PDE4D: variants seen among roughly 807,000 people sequenced by gnomAD.
PDE4D encodes the protein phosphodiesterase 4D, also known as 3',5'-cyclic-AMP phosphodiesterase 4D.
In PDE4D, 24 loss-of-function variants were observed where a neutral mutation model predicts 87.4. The observed-to-expected ratio is 0.27, with a 90% CI of 0.20 to 0.39. PDE4D has a LOEUF of 0.39. Among genes scored for constraint, PDE4D ranks in the 10% least tolerant of loss-of-function variants. The pLI, the probability that PDE4D is intolerant of heterozygous loss-of-function variation, is 1.00. For synonymous variants in PDE4D, 384 were observed against 383.2 expected, an observed-to-expected ratio of 1.00 and a Z score of -0.02; for missense variants, 714 against 1,041.0, an observed-to-expected ratio of 0.69 and a Z score of 4.32.
At chr5:60,309,513 A>G (rs965744006) in intron 1 of PDE4D, among the ~76,000 whole-genome samples, 4 of 152,218 alleles carry the variant, frequency 2.6e-5, no homozygotes, top group Non-Finnish European at 4.4e-5. Flanking sequence ...AGAGATGGAC[A>G]CTTAGGCTTT....
intron 6 of PDE4D, 64 bp from the exon 7 acceptor site, chr5:58,993,529 T>G: frequency 1.1e-6 from 1 of 942,022 alleles, no homozygotes; most frequent in Non-Finnish European, 1.6e-6. Flanking sequence ...TATATATGCA[T>G]ACTCTGAGAT....
chr5:59,838,335 T>C (rs1414731295), intron 1 of PDE4D, among the ~76,000 whole-genome samples: 2 of 152,078 alleles, frequency 1.3e-5, no homozygotes, highest in Non-Finnish European at 2.9e-5. Flanking sequence ...AAGAAAGGAA[T>C]GTCAAAGAGG....
chr5:60,122,631 C>T (rs538068703), intron 2 of PDE4D, among the ~76,000 whole-genome samples: 5 of 152,170 alleles, frequency 3.3e-5, no homozygotes, highest in African/African-American at 1.2e-4. Flanking sequence ...GCCTGGCCCA[C>T]AAAACCATTT....
At chr5:59,030,753 A>G (rs971805912) in intron 6 of PDE4D, among the ~76,000 whole-genome samples, 4 of 152,028 alleles carry the variant, frequency 2.6e-5, no homozygotes, top group Non-Finnish European at 4.4e-5. Context: ...AAACTCAACA[A>G]TATCTCTAAT....
intron 1 of PDE4D, among the ~76,000 whole-genome samples, chr5:60,389,033 G>A (rs573870802): frequency 6.6e-6 from 1 of 151,726 alleles, no homozygotes; most frequent in Non-Finnish European, 1.5e-5. Flanking sequence ...TCCACATTTT[G>A]CCATCCAAGA....
At chr5:60,403,412 T>A (rs1399562736) in intron 1 of PDE4D, among the ~76,000 whole-genome samples, 2 of 152,206 alleles carry the variant, frequency 1.3e-5, no homozygotes, top group Admixed American at 1.3e-4. Flanking sequence ...ATGAAGAATG[T>A]TTTGTAGATG....
chr5:59,023,942 G>C (rs1470079330), intron 6 of PDE4D, among the ~76,000 whole-genome samples: 2 of 136,748 alleles, frequency 1.5e-5, no homozygotes, highest in African/African-American at 5.6e-5. Context: ...TCACTCAGTC[G>C]CCCAGACTGG....
rs544644928 is a variant in PDE4D, at chr5:60,392,632, T to C, written c.-90+95310A>G. ...TAATACACCAATATTTAATTAGAGA[T>C]GCACATTAGGAAATTGTCCATGCTG... On this transcript the variant is annotated intron_variant, in intron 1 of 16. Coordinates refer to the PDE4D transcript ENST00000502484. Among the ~76,000 whole-genome samples, 5 of 152,358 alleles carry C rather than the reference T, an allele frequency of 3.3e-5. No individual in the cohort carries two copies. In the East Asian group the frequency reaches 7.7e-4, roughly 23 times the overall value.
chr5:59,189,506 G>A (rs1743826408), intron 3 of PDE4D, among the ~76,000 whole-genome samples: 1 of 152,006 alleles, frequency 6.6e-6, no homozygotes, highest in South Asian at 2.1e-4. Context: ...ACTTCCACAT[G>A]AAAATTCTAG....
chr5:60,388,311 A>C (rs1221746196), intron 1 of PDE4D, among the ~76,000 whole-genome samples: 1 of 152,156 alleles, frequency 6.6e-6, no homozygotes, highest in Non-Finnish European at 1.5e-5. Flanking sequence ...CTCTCTGTGT[A>C]GCATTCATTC....
intron 1 of PDE4D, among the ~76,000 whole-genome samples, chr5:59,501,949 G>T (rs1808361951): frequency 6.6e-6 from 1 of 152,098 alleles, no homozygotes; most frequent in African/African-American, 2.4e-5. Flanking sequence ...CTAACATTTT[G>T]CTCTTGCTTG....
At chr5:60,353,124 G>C (rs1759339234) in intron 1 of PDE4D, among the ~76,000 whole-genome samples, 1 of 152,126 alleles carries the variant, frequency 6.6e-6, no homozygotes, top group Non-Finnish European at 1.5e-5. Flanking sequence ...CACAGAAATG[G>C]GCTGCTGGAG....
chr5:60,290,504 A>G (rs945416845), intron 1 of PDE4D, among the ~76,000 whole-genome samples: 1 of 152,188 alleles, frequency 6.6e-6, no homozygotes, highest in Non-Finnish European at 1.5e-5. Flanking sequence ...AAAAATACAT[A>G]TAGAATAATA....
At chr5:60,190,806 AC>A (rs1785141642) in intron 1 of PDE4D, among the ~76,000 whole-genome samples, 1 of 152,178 alleles carries the variant, frequency 6.6e-6, no homozygotes, top group African/African-American at 2.4e-5. Context: ...AGTGCAATCT[AC>A]CTGTAACCAC....
At chr5:59,512,369 A>C (rs924601556) in intron 1 of PDE4D, among the ~76,000 whole-genome samples, 6 of 152,184 alleles carry the variant, frequency 3.9e-5, no homozygotes, top group Non-Finnish European at 8.8e-5. Flanking sequence ...CTAATGCAGA[A>C]TCACTGATCA....
At chr5:60,024,401 T>C (rs893297159) in intron 2 of PDE4D, among the ~76,000 whole-genome samples, 1 of 152,186 alleles carries the variant, frequency 6.6e-6, no homozygotes, top group Non-Finnish European at 1.5e-5. Context: ...ATTCTAACTT[T>C]AGAGAACTGT....
chr5:59,668,845 G>GGAAGAAGAAGAGGAAGAAGAA lies in PDE4D; in HGVS notation c.455+224322_455+224323insTTCTTCTTCCTCTTCTTCTTC, dbSNP rs1746605562. Among the ~76,000 whole-genome samples, 6 of 62,188 alleles carry GGAAGAAGAAGAGGAAGAAGAA rather than the reference G, an allele frequency of 9.6e-5. 3 individuals carry two copies. The highest frequency in any genetic ancestry group is 4.0e-4 in the African/African-American group (6 of 15,106). 40.8% of individuals were successfully genotyped at this position (62,188 alleles called of 152,430 possible). ...AAGAAGAAGAAGAGGAAGAGGAAGAGGAAGAAGAAGAAGAAGAAGAAGAAG... is the reference window on the plus strand; with the variant it reads ...AAGAAGAAGAAGAGGAAGAGGAAGAGGAAGAAGAAGAGGAAGAAGAAGAAGAAGAAGAAGAAGAAGAAGAAG... On this transcript the variant is annotated intron_variant, in intron 1 of 14. Coordinates refer to ENST00000340635, the MANE Select transcript of PDE4D (RefSeq NM_001104631.2).
intron 1 of PDE4D, among the ~76,000 whole-genome samples, chr5:59,595,408 C>T (rs1358493553): frequency 6.6e-6 from 1 of 152,124 alleles, no homozygotes; most frequent in Non-Finnish European, 1.5e-5. Context: ...AGCAAGTCAT[C>T]CATAATTCCA....
intron 2 of PDE4D, chr5:60,160,859 C>T (rs1582914932): frequency 2.3e-6 from 1 of 440,282 alleles, no homozygotes. Flanking sequence ...AAGTCACTAC[C>T]TTATAAAAGA....
Sources: allele counts gnomAD v4.1 joint callset (sites outside exome capture counted in the v4.1 genomes callset), GRCh38; gene constraint gnomAD v4.1.1; transcripts MANE v1.5; gene names NCBI Gene and HGNC (gene_info 2026-07-23, HGNC 2026-07-21).